The following WWOX variants were observed in gnomAD, a reference collection of about 807,000 sequenced individuals.
The protein encoded by WWOX is WW domain-containing oxidoreductase.
Under a neutral mutation model 46.2 loss-of-function variants are expected in WWOX, and 69 were observed. The ratio of observed to expected loss-of-function variants is 1.49; its 90% confidence interval spans 1.23 to 1.82. The LOEUF (loss-of-function observed/expected upper bound fraction) is 1.82, where lower values mean the gene tolerates loss of function less well. Among genes scored for constraint, WWOX ranks in the 40% most tolerant of loss-of-function variants. WWOX has a pLI of 0.00. For missense variants in WWOX, 919 were observed against 542.6 expected, an observed-to-expected ratio of 1.69 and a Z score of -6.89; for synonymous variants, 359 against 202.6, an observed-to-expected ratio of 1.77 and a Z score of -6.56.
At chr16:78,895,953 C>T (rs79936919) in intron 8 of WWOX, 1 of 152,138 alleles carries the variant, frequency 6.6e-6, no homozygotes, top group South Asian at 2.1e-4. Context: ...TTGACGCTGA[C>T]TTAACATCCC....
rs541831677 is a variant in WWOX at position 79,091,973 on chromosome 16, G to A, written c.1057-119635G>A. 7.9e-5 allele frequency among the ~76,000 whole-genome samples: 12 copies of A among 151,932 alleles called. No homozygotes were observed. The South Asian group carries it at 2.5e-3, about 32-fold the overall frequency. ...TTTTTGTATTTTTAGTAGAGACGGAGTTTCACCATGTTGGCCAAGATGGTC... is the reference window on the plus strand; with the variant it reads ...TTTTTGTATTTTTAGTAGAGACGGAATTTCACCATGTTGGCCAAGATGGTC... On this transcript the variant is annotated intron_variant, in intron 8 of 8. Transcript: ENST00000566780.
At chr16:78,469,841 G>C (rs2084177505) in intron 8 of WWOX, among the ~76,000 whole-genome samples, 1 of 152,166 alleles carries the variant, frequency 6.6e-6, no homozygotes, top group Non-Finnish European at 1.5e-5. Context: ...GTGATCCTTT[G>C]GTTATTTGCT....
intron 8 of WWOX, among the ~76,000 whole-genome samples, chr16:78,633,050 G>T (rs570607459): frequency 2.0e-4 from 31 of 152,176 alleles, no homozygotes; most frequent in Non-Finnish European, 3.8e-4. Context: ...ATCACTTGAG[G>T]TCAGGAGTTT....
intron 8 of WWOX, among the ~76,000 whole-genome samples, chr16:78,711,808 A>T (rs2048450082): frequency 6.6e-6 from 1 of 152,188 alleles, no homozygotes; most frequent in South Asian, 2.1e-4. Flanking sequence ...CCTCCTGCAC[A>T]CACTCTCCCA....
chr16:79,209,047 G>T (rs1005918761), intron 8 of WWOX, among the ~76,000 whole-genome samples: 1 of 151,956 alleles, frequency 6.6e-6, no homozygotes, highest in African/African-American at 2.4e-5. Context: ...TGTGTACTGT[G>T]TTCTACAAAG....
At chr16:79,202,600 C>G (rs200795908) in intron 8 of WWOX, 1 of 152,104 alleles carries the variant, frequency 6.6e-6, no homozygotes, top group South Asian at 2.1e-4. Flanking sequence ...CAAGAGAAGG[C>G]AAACAAAAGA....
intron 8 of WWOX, among the ~76,000 whole-genome samples, chr16:78,646,314 T>G (rs574081675): frequency 5.3e-5 from 8 of 152,304 alleles, no homozygotes; most frequent in African/African-American, 1.9e-4. Context: ...ACACTTGGCC[T>G]TTTGGCACCA....
chr16:78,732,196 A>C (rs8054591), intron 8 of WWOX, among the ~76,000 whole-genome samples: 23,141 of 151,944 alleles, frequency 0.15, 2,155 homozygotes, highest in African/African-American at 0.25. Context: ...TGACTTACTT[A>C]TTACTATGTA....
At chr16:78,654,673 G>T (rs1018526618) in intron 8 of WWOX, among the ~76,000 whole-genome samples, 2 of 152,092 alleles carry the variant, frequency 1.3e-5, no homozygotes, top group African/African-American at 4.8e-5. Context: ...GTATGTGTGT[G>T]TGTGTATAAA....
intron 8 of WWOX, among the ~76,000 whole-genome samples, chr16:78,873,812 A>C (rs1340302678): frequency 6.6e-6 from 1 of 152,096 alleles, no homozygotes; most frequent in Non-Finnish European, 1.5e-5. Context: ...TAGTAAAATA[A>C]AACGAGATAT....
chr16:78,126,797 A>T (rs554225115), intron 4 of WWOX, among the ~76,000 whole-genome samples: 5 of 152,172 alleles, frequency 3.3e-5, no homozygotes, highest in Non-Finnish European at 7.3e-5. Context: ...ATACCCCAAA[A>T]AACTTAAACT....
rs567397385 is a variant in WWOX at position 78,497,723 on chromosome 16, G to T, written c.1056+64971G>T. 6.3e-4 allele frequency among the ~76,000 whole-genome samples: 96 copies of T among 152,284 alleles called. 1 individual carries two copies. Among genetic ancestry groups the T allele is most frequent in the African/African-American group, 2.2e-3 (93 of 41,562 alleles). ...TTCATGATTGGATTTCCAAAATGTGGACTCTCAGCAGGACATTACAGGGAC... is the reference window on the plus strand; with the variant it reads ...TTCATGATTGGATTTCCAAAATGTGTACTCTCAGCAGGACATTACAGGGAC... On this transcript the variant is annotated intron_variant, in intron 8 of 8. Transcript: ENST00000566780.
At chr16:79,081,429 G>A (rs1315216502) in intron 8 of WWOX, among the ~76,000 whole-genome samples, 3 of 152,180 alleles carry the variant, frequency 2.0e-5, no homozygotes, top group Non-Finnish European at 4.4e-5. Flanking sequence ...CTCCCAAAGC[G>A]CTGGGATTAC....
chr16:78,563,563 G>A (rs1798189697), intron 8 of WWOX, among the ~76,000 whole-genome samples: 1 of 141,988 alleles, frequency 7.0e-6, no homozygotes. Context: ...GCAATAGAAC[G>A]TAAAGGTAGA....
At chr16:78,266,341 C>A (rs902637931) in intron 5 of WWOX, among the ~76,000 whole-genome samples, 23 of 152,314 alleles carry the variant, frequency 1.5e-4, no homozygotes, top group Non-Finnish European at 7.3e-5. Flanking sequence ...GCCCTACACA[C>A]CTTCATTTAT....
At chr16:78,569,988 C>G (rs1425776661) in intron 8 of WWOX, among the ~76,000 whole-genome samples, 2 of 152,166 alleles carry the variant, frequency 1.3e-5, no homozygotes, top group African/African-American at 4.8e-5. Flanking sequence ...TCCTGAAGAG[C>G]TTGCAGTGGG....
At chr16:78,235,257 C>T (rs1322798691) in intron 5 of WWOX, among the ~76,000 whole-genome samples, 1 of 152,216 alleles carries the variant, frequency 6.6e-6, no homozygotes, top group African/African-American at 2.4e-5. Flanking sequence ...GTTTGTCAGT[C>T]GTGGTTTGTG....
At chr16:78,218,000 C>T (rs1419646545) in intron 5 of WWOX, among the ~76,000 whole-genome samples, 1 of 152,154 alleles carries the variant, frequency 6.6e-6, no homozygotes, top group Non-Finnish European at 1.5e-5. Context: ...CAACGTATCT[C>T]ACCCCCTCAA....
intron 8 of WWOX, chr16:78,996,371 C>CGGGG: frequency 1.7e-6 from 1 of 584,176 alleles, no homozygotes; most frequent in Non-Finnish European, 2.0e-6. Flanking sequence ...GTGAATTCTG[C>CGGGG]ACCCACCCCC....
Sources: allele counts gnomAD v4.1 joint callset (sites outside exome capture counted in the v4.1 genomes callset), GRCh38; gene constraint gnomAD v4.1.1; transcripts MANE v1.5; gene names NCBI Gene and HGNC (gene_info 2026-07-23, HGNC 2026-07-21).